The following CHST11 variants were observed in gnomAD, a reference collection of about 807,000 sequenced individuals.
The protein encoded by CHST11 is carbohydrate sulfotransferase 11, also known as C4S-1.
In CHST11, 9 loss-of-function variants were observed where a neutral mutation model predicts 30.4. The observed-to-expected ratio is 0.30, with a 90% CI of 0.18 to 0.52. CHST11 has a LOEUF of 0.52. CHST11 is among the 20% of genes least tolerant of loss of function. The pLI is 0.97. For missense variants in CHST11, 348 were observed against 460.6 expected (o/e 0.76, Z 2.24); for synonymous variants, 152 against 187.8 (o/e 0.81, Z 1.56).
intron 1 of CHST11, among the ~76,000 whole-genome samples, chr12:104,527,218 C>A (rs987013174): frequency 6.6e-6 from 1 of 152,196 alleles, no homozygotes; most frequent in Admixed American, 6.5e-5. Context: ...AGAAACCAGA[C>A]CTGACCTGCC....
intron 2 of CHST11, among the ~76,000 whole-genome samples, chr12:104,741,265 G>C (rs931229034): frequency 6.6e-6 from 1 of 152,210 alleles, no homozygotes; most frequent in Non-Finnish European, 1.5e-5. Flanking sequence ...TTACTGGGGA[G>C]AGAACGAGGG....
At chr12:104,578,814 G>A (rs1192978839) in intron 1 of CHST11, among the ~76,000 whole-genome samples, 7 of 152,222 alleles carry the variant, frequency 4.6e-5, no homozygotes, top group Non-Finnish European at 1.0e-4. Flanking sequence ...AGCCAACAGT[G>A]TTAATTGGAG....
chr12:104,603,167 T>C (rs991361113), intron 2 of CHST11, among the ~76,000 whole-genome samples: 17 of 152,270 alleles, frequency 1.1e-4, no homozygotes, highest in African/African-American at 3.8e-4. Context: ...ATCTCCATAT[T>C]ATAGGCAGGT....
At chr12:104,589,234 A>T (rs1370766087) in intron 1 of CHST11, among the ~76,000 whole-genome samples, 1 of 151,884 alleles carries the variant, frequency 6.6e-6, no homozygotes, top group African/African-American at 2.4e-5. Flanking sequence ...ACCCATCTCT[A>T]TAAAAAAAAT....
At chr12:104,591,493 G>GTCT (rs77877813) in intron 1 of CHST11, 42,858 of 152,140 alleles carry the variant, frequency 0.28, 6,173 homozygotes, top group African/African-American at 0.34. Context: ...TCACTGTTTG[G>GTCT]TCACAGCTAG....
At chr12:104,541,130 T>TCACACACACACA (rs71069763) in intron 1 of CHST11, among the ~76,000 whole-genome samples, 13 of 146,678 alleles carry the variant, frequency 8.9e-5, no homozygotes, top group Admixed American at 3.4e-4. Context: ...TCTCTCTCTC[T>TCACACACACACA]CACACACACA....
At chr12:104,708,264 T>C (rs548798969) in intron 2 of CHST11, among the ~76,000 whole-genome samples, 77 of 152,336 alleles carry the variant, frequency 5.1e-4, no homozygotes, top group Middle Eastern at 6.8e-3. Flanking sequence ...GTCAGGTTAC[T>C]TTATTTCACA....
intron 1 of CHST11, among the ~76,000 whole-genome samples, chr12:104,483,599 A>G (rs1002668283): frequency 6.6e-6 from 1 of 152,230 alleles, no homozygotes; most frequent in Non-Finnish European, 1.5e-5. Context: ...ATTTTGGATA[A>G]TAAGAGAAGA....
chr12:104,567,527 T>C (rs1565989892), intron 1 of CHST11, among the ~76,000 whole-genome samples: 1 of 152,170 alleles, frequency 6.6e-6, no homozygotes, highest in Non-Finnish European at 1.5e-5. Context: ...AATCTTCCCC[T>C]CTGCTGCCTG....
intron 1 of CHST11, among the ~76,000 whole-genome samples, chr12:104,467,861 G>C (rs909551513): frequency 1.3e-5 from 2 of 152,178 alleles, no homozygotes; most frequent in South Asian, 4.1e-4. Context: ...TAATATCATT[G>C]CATAAGGTCA....
At chr12:104,715,444 A>T (rs2040123260) in intron 2 of CHST11, among the ~76,000 whole-genome samples, 1 of 152,218 alleles carries the variant, frequency 6.6e-6, no homozygotes, top group Non-Finnish European at 1.5e-5. Flanking sequence ...AAGGGATTAA[A>T]TAAGACCCTG....
At chr12:104,656,441 G>A (rs2039544499) in intron 2 of CHST11, among the ~76,000 whole-genome samples, 1 of 152,126 alleles carries the variant, frequency 6.6e-6, no homozygotes, top group Admixed American at 6.5e-5. Flanking sequence ...GCCTTGACCT[G>A]AGCACAGCAC....
intron 2 of CHST11, among the ~76,000 whole-genome samples, chr12:104,694,960 C>T (rs903483327): frequency 2.6e-5 from 4 of 152,148 alleles, no homozygotes; most frequent in Admixed American, 6.5e-5. Context: ...GGGTTCCCAC[C>T]GGACCCTTTG....
chr12:104,461,210 G>A (rs1202889418), intron 1 of CHST11, among the ~76,000 whole-genome samples: 1 of 152,206 alleles, frequency 6.6e-6, no homozygotes, highest in African/African-American at 2.4e-5. Flanking sequence ...CAGCCCGTGA[G>A]GTGTAGGCAG....
At chr12:104,745,019 G>A (rs899014443) in intron 2 of CHST11, among the ~76,000 whole-genome samples, 2 of 151,986 alleles carry the variant, frequency 1.3e-5, no homozygotes, top group African/African-American at 4.8e-5. Flanking sequence ...GATTACAGGT[G>A]CCCACCATCA....
intron 1 of CHST11, among the ~76,000 whole-genome samples, chr12:104,556,856 C>G (rs951321426): frequency 1.3e-5 from 2 of 152,084 alleles, no homozygotes; most frequent in Non-Finnish European, 2.9e-5. Flanking sequence ...TGTCATGCAC[C>G]TGTAGTCCCA....
At chr12:104,626,095 C>T (rs2039212329) in intron 2 of CHST11, among the ~76,000 whole-genome samples, 1 of 152,150 alleles carries the variant, frequency 6.6e-6, no homozygotes, top group East Asian at 1.9e-4. Flanking sequence ...TCCTTCAGGA[C>T]ACCAGCCTAA....
Position 104,738,170 on chromosome 12 carries a change from C to T in CHST11, c.205-18779C>T, listed in dbSNP as rs546941838. On this transcript the variant is annotated intron_variant, in intron 2 of 2. Coordinates refer to ENST00000303694, the MANE Select transcript of CHST11 (RefSeq NM_018413.6). ...GGTGCTGCAGCCTTCCCAGACCCCG[C>T]GGGCTCATCCTTCTTCAGCAGACCG... is the stretch of plus-strand genomic sequence containing the variant. Among the ~76,000 whole-genome samples, 29 of 152,288 alleles carry T rather than the reference C, an allele frequency of 1.9e-4. 1 individual carries two copies. Among genetic ancestry groups the T allele is most frequent in the African/African-American group, 6.0e-4 (25 of 41,562 alleles).
chr12:104,665,675 C>T (rs2039635063), intron 2 of CHST11, among the ~76,000 whole-genome samples: 1 of 140,332 alleles, frequency 7.1e-6, no homozygotes, highest in Admixed American at 7.9e-5. Context: ...CTATTGAAAA[C>T]TTGAACACTC....
Sources: gnomAD v4.1 joint callset for allele counts (sites outside exome capture counted in the v4.1 genomes callset) on GRCh38, gnomAD v4.1.1 for gene constraint, MANE v1.5 for transcripts, NCBI Gene and HGNC (gene_info 2026-07-23, HGNC 2026-07-21) for gene names.